KCNIP4: variants seen among roughly 807,000 people sequenced by gnomAD.
KCNIP4 encodes the protein potassium voltage-gated channel interacting protein 4.
A neutral mutation model predicts 34.0 loss-of-function variants in KCNIP4; 12 were observed. The observed-to-expected ratio is 0.35, with a 90% CI of 0.23 to 0.57. The LOEUF is 0.57. Ranked by LOEUF, KCNIP4 falls within the 20% of genes least tolerant of loss-of-function variation. The pLI is 0.83. For synonymous variants in KCNIP4, 124 were observed against 102.2 expected (o/e 1.21, Z -1.29); for missense variants, 238 against 311.7 (o/e 0.76, Z 1.78).
intron 1 of KCNIP4, among the ~76,000 whole-genome samples, chr4:21,449,760 G>C (rs1728360548): frequency 6.6e-6 from 1 of 151,582 alleles, no homozygotes; most frequent in African/African-American, 2.4e-5. Flanking sequence ...CTGTATCCCT[G>C]GTGCTGTGAA....
intron 3 of KCNIP4, among the ~76,000 whole-genome samples, chr4:20,844,788 C>A (rs1720166512): frequency 6.6e-6 from 1 of 152,148 alleles, no homozygotes. Context: ...AAAGATCTTA[C>A]TGCAGAATTT....
chr4:21,216,833 C>G (rs1757619770), intron 1 of KCNIP4, among the ~76,000 whole-genome samples: 1 of 152,104 alleles, frequency 6.6e-6, no homozygotes, highest in Non-Finnish European at 1.5e-5. Context: ...ATAAAGGCTT[C>G]ATGAAGAAGG....
At chr4:21,000,657 C>T (rs1197674706) in intron 1 of KCNIP4, among the ~76,000 whole-genome samples, 1 of 151,720 alleles carries the variant, frequency 6.6e-6, no homozygotes, top group Non-Finnish European at 1.5e-5. Context: ...TGCACTCCAG[C>T]CTGTGCAAAA....
chr4:20,998,505 C>G (rs1295558284), intron 1 of KCNIP4, among the ~76,000 whole-genome samples: 1 of 152,174 alleles, frequency 6.6e-6, no homozygotes, highest in African/African-American at 2.4e-5. Flanking sequence ...TAAGGGAAAA[C>G]TTCCATAAGG....
At chr4:21,400,937 G>T (rs10015749) in intron 1 of KCNIP4, among the ~76,000 whole-genome samples, 25,298 of 151,964 alleles carry the variant, frequency 0.17, 3,820 homozygotes, top group African/African-American at 0.39. Flanking sequence ...AAAGTGGGAG[G>T]ATCACTTGAG....
intron 2 of KCNIP4, among the ~76,000 whole-genome samples, chr4:20,865,295 C>T (rs78057396): frequency 0.11 from 16,955 of 151,974 alleles, 1,288 homozygotes; most frequent in Non-Finnish European, 0.16. Flanking sequence ...AGAGTAATGA[C>T]AAAAGTCAGT....
At chr4:21,852,805 T>A (rs1316002132) in intron 1 of KCNIP4, 1 of 152,222 alleles carries the variant, frequency 6.6e-6, no homozygotes, top group Non-Finnish European at 1.5e-5. Context: ...AGTTTTACTG[T>A]AGACTTTTGC....
chr4:21,234,200 CAT>C (rs1290282519), intron 1 of KCNIP4, among the ~76,000 whole-genome samples: 20 of 78,464 alleles, frequency 2.5e-4, no homozygotes, highest in African/African-American at 2.0e-3. Flanking sequence ...TTATATATAA[CAT>C]ATATAACGTA....
intron 3 of KCNIP4, among the ~76,000 whole-genome samples, chr4:20,811,529 G>A (rs899487886): frequency 5.8e-4 from 88 of 152,100 alleles, no homozygotes; most frequent in Admixed American, 1.8e-3. Context: ...GCGCGCACGC[G>A]TGCACGCCAG....
At chr4:21,122,294 T>C (rs1028181270) in intron 1 of KCNIP4, among the ~76,000 whole-genome samples, 5 of 151,994 alleles carry the variant, frequency 3.3e-5, no homozygotes, top group African/African-American at 9.6e-5. Flanking sequence ...CTAAAGAAAG[T>C]GGGGCTAATT....
At chr4:20,779,062 G>T (rs1362260019) in intron 3 of KCNIP4, among the ~76,000 whole-genome samples, 2 of 152,104 alleles carry the variant, frequency 1.3e-5, no homozygotes, top group African/African-American at 4.8e-5. Flanking sequence ...TAGGAAGTGG[G>T]ATTGAAAACA....
chr4:20,846,505 A>T (rs1720398079), intron 3 of KCNIP4, among the ~76,000 whole-genome samples: 1 of 152,208 alleles, frequency 6.6e-6, no homozygotes, highest in Non-Finnish European at 1.5e-5. Context: ...TTCTCAAATG[A>T]GGCTTTCTGT....
rs372436280 is a variant in KCNIP4 at position 21,193,720 on chromosome 4, A to C, written c.62-311011T>G. Among the ~76,000 whole-genome samples the C allele has an allele frequency of 5.3e-5, 8 of 151,922 alleles. No homozygotes were observed. The East Asian group carries it at 7.8e-4, about 15-fold the overall frequency. The stretch of plus-strand genomic sequence containing the variant: ...CCGAGTAGCCGGGACTACAGGCGCC[A>C]GCCACCACGCCCGGCTAATTTTTTG... On this transcript the variant is annotated intron_variant, in intron 1 of 8. Transcript: ENST00000382152.
At chr4:21,042,876 A>G (rs1742087248) in intron 1 of KCNIP4, among the ~76,000 whole-genome samples, 1 of 152,252 alleles carries the variant, frequency 6.6e-6, no homozygotes, top group African/African-American at 2.4e-5. Flanking sequence ...CTTTGGGGGA[A>G]AAAAAGGATA....
intron 1 of KCNIP4, among the ~76,000 whole-genome samples, chr4:21,492,327 A>G (rs928719766): frequency 9.2e-5 from 14 of 151,946 alleles, no homozygotes; most frequent in Admixed American, 9.2e-4. Flanking sequence ...CAAGTGATCC[A>G]CTCACCTCAG....
intron 1 of KCNIP4, among the ~76,000 whole-genome samples, chr4:21,364,081 G>A (rs1719487131): frequency 6.6e-6 from 1 of 152,072 alleles, no homozygotes; most frequent in Admixed American, 6.6e-5. Context: ...TCTCTGCCTT[G>A]ATGATCCCTC....
intron 1 of KCNIP4, among the ~76,000 whole-genome samples, chr4:21,198,884 G>A (rs1340916050): frequency 6.6e-6 from 1 of 152,156 alleles, no homozygotes; most frequent in East Asian, 1.9e-4. Context: ...TACTGACACT[G>A]ACCTGGCGCT....
chr4:20,898,383 T>A (rs926711951), intron 1 of KCNIP4, among the ~76,000 whole-genome samples: 5 of 152,154 alleles, frequency 3.3e-5, no homozygotes, highest in Non-Finnish European at 5.9e-5. Flanking sequence ...CCTAGCAAAC[T>A]AACAGAGCTA....
At chr4:21,029,078 C>G (rs904853396) in intron 1 of KCNIP4, among the ~76,000 whole-genome samples, 7 of 152,164 alleles carry the variant, frequency 4.6e-5, no homozygotes, top group African/African-American at 1.7e-4. Context: ...CACAAACATT[C>G]TACCAAGAAT....
Sources: allele counts gnomAD v4.1 joint callset (sites outside exome capture counted in the v4.1 genomes callset), GRCh38; gene constraint gnomAD v4.1.1; transcripts MANE v1.5; gene names NCBI Gene and HGNC (gene_info 2026-07-23, HGNC 2026-07-21).